The following DRC2 variants were observed in gnomAD, a reference collection of about 807,000 sequenced individuals.
The protein encoded by DRC2 is coiled-coil domain containing 65.
chr12:48,920,721 A>G, the DRC2 span, among the ~76,000 whole-genome samples: 3 of 151,768 alleles, frequency 2.0e-5, no homozygotes, highest in Non-Finnish European at 4.4e-5. Flanking sequence ...GGGTCTTTCT[A>G]TGTTTCCCAG....
chr12:48,918,097 C>G, the DRC2 span: 1 of 598,568 alleles, frequency 1.7e-6, no homozygotes, highest in Non-Finnish European at 2.9e-6. Context: ...ACCACAGGCC[C>G]CACCCGGCCC....
the DRC2 span, chr12:48,916,824 A>C: frequency 1.5e-6 from 1 of 679,486 alleles, no homozygotes; most frequent in South Asian, 2.5e-5. Flanking sequence ...TCTAGCCCTA[A>C]AAAGAGTAAA....
At chr12:48,917,959 A>G in the DRC2 span, among the ~76,000 whole-genome samples, 2 of 152,194 alleles carry the variant, frequency 1.3e-5, no homozygotes, top group Non-Finnish European at 2.9e-5. Context: ...AAAACATCCA[A>G]ATTTTCAGCT....
chr12:48,911,525 C>G, the DRC2 span, among the ~76,000 whole-genome samples: 3 of 152,048 alleles, frequency 2.0e-5, no homozygotes, highest in African/African-American at 7.2e-5. Flanking sequence ...CCACCTGACC[C>G]CAGCCTGGGT....
chr12:48,913,658 AT>A, the DRC2 span, among the ~76,000 whole-genome samples: 1 of 151,036 alleles, frequency 6.6e-6, no homozygotes. Context: ...CATGGCCGGA[AT>A]TTTTTTTTCT....
At chr12:48,916,959 G>A in the DRC2 span, 1 of 1,613,112 alleles carries the variant, frequency 6.2e-7, no homozygotes, top group South Asian at 1.1e-5. Context: ...ACAGTGTCTT[G>A]TCTCCTACAG....
chr12:48,912,437 C>CAAAAAAAAAAAAAAAAAAAAAAAA, the DRC2 span, among the ~76,000 whole-genome samples: 47 of 45,360 alleles, frequency 1.0e-3, 9 homozygotes, highest in African/African-American at 1.8e-3. Flanking sequence ...GACGCCGTCT[C>CAAAAAAAAAAAAAAAAAAAAAAAA]AAAAAAAAAA....
chr12:48,919,802 C>T, the DRC2 span, among the ~76,000 whole-genome samples: 1 of 152,092 alleles, frequency 6.6e-6, no homozygotes, highest in Admixed American at 6.5e-5. Context: ...AGGCGTGAGC[C>T]ACCGCGTCTG....
chr12:48,906,017 C>T, the DRC2 span, among the ~76,000 whole-genome samples: 181 of 152,268 alleles, frequency 1.2e-3, 1 homozygote, highest in African/African-American at 3.8e-3. Flanking sequence ...GTGACCCACC[C>T]GCCTTGGCCT....
chr12:48,918,838 A>T, the DRC2 span: 1 of 1,614,040 alleles, frequency 6.2e-7, no homozygotes, highest in Non-Finnish European at 8.5e-7. Context: ...ATCCCAGAAG[A>T]ACTTAGTCAG....
chr12:48,904,839 G>T, the DRC2 span: 4 of 936,028 alleles, frequency 4.3e-6, no homozygotes, highest in Non-Finnish European at 6.3e-6. Context: ...CCATCAGGCC[G>T]TTCCCATCGA....
At chr12:48,918,470 C>G in the DRC2 span, 1 of 1,613,608 alleles carries the variant, frequency 6.2e-7, no homozygotes, top group Non-Finnish European at 8.5e-7. Context: ...ACAGAAACTA[C>G]AGGTTAGTGT....
chr12:48,908,860 T>G, the DRC2 span, among the ~76,000 whole-genome samples: 1 of 150,634 alleles, frequency 6.6e-6, no homozygotes, highest in African/African-American at 2.4e-5. Flanking sequence ...CTCGGCCTCC[T>G]AAAGTGCTGG....
chr12:48,915,771 C>T, the DRC2 span, among the ~76,000 whole-genome samples: 2 of 147,312 alleles, frequency 1.4e-5, no homozygotes, highest in Non-Finnish European at 3.0e-5. Flanking sequence ...GCTGGCCGGG[C>T]GGGGGGCTGA....
the DRC2 span, chr12:48,920,977 C>A: frequency 6.2e-7 from 1 of 1,613,254 alleles, no homozygotes; most frequent in Admixed American, 1.7e-5. Flanking sequence ...AATTTGAAAC[C>A]GAAGAAGAAA....
the DRC2 span, among the ~76,000 whole-genome samples, chr12:48,917,550 A>T: frequency 6.6e-6 from 1 of 152,168 alleles, no homozygotes; most frequent in Non-Finnish European, 1.5e-5. Flanking sequence ...TCAATAAAAC[A>T]TCTATTGCCC....
chr12:48,918,346 G>C, the DRC2 span: 1 of 1,614,206 alleles, frequency 6.2e-7, no homozygotes. Context: ...GAAAGTTCCA[G>C]GATGTACTCA....
the DRC2 span, chr12:48,921,014 T>C: frequency 2.5e-6 from 4 of 1,613,976 alleles, no homozygotes; most frequent in South Asian, 2.2e-5. Context: ...TTCATCAGTA[T>C]TGACTCCTAA....
At chr12:48,917,029 C>A in the DRC2 span, 3 of 1,613,858 alleles carry the variant, frequency 1.9e-6, no homozygotes, top group African/African-American at 4.0e-5. Flanking sequence ...ATCTTCATGG[C>A]CATGGAGCAG....
Sources: allele counts gnomAD v4.1 joint callset (sites outside exome capture counted in the v4.1 genomes callset), GRCh38; gene constraint gnomAD v4.1.1; transcripts MANE v1.5; gene names NCBI Gene and HGNC (gene_info 2026-07-23, HGNC 2026-07-21).